The following EDARADD variants were observed in gnomAD, a reference collection of about 807,000 sequenced individuals.
EDARADD encodes the protein EDAR associated via death domain, also known as ectodysplasin-A receptor-associated adapter protein.
In EDARADD, 20 loss-of-function variants were observed where a neutral mutation model predicts 25.6. The observed-to-expected ratio is 0.78, with a 90% CI of 0.55 to 1.14. The LOEUF (loss-of-function observed/expected upper bound fraction) is 1.14. EDARADD is among the 50% of genes most tolerant of loss of function. EDARADD has a pLI of 0.00. For synonymous variants in EDARADD, 86 were observed against 94.4 expected (o/e 0.91, Z 0.52); for missense variants, 225 against 270.1 (o/e 0.83, Z 1.17).
intron 3 of EDARADD, among the ~76,000 whole-genome samples, chr1:236,420,428 C>G (rs1054353450): frequency 6.6e-6 from 1 of 152,160 alleles, no homozygotes; most frequent in Non-Finnish European, 1.5e-5. Context: ...TCTGATGGAA[C>G]AAAATCAGTT....
chr1:236,370,402 CA>C (rs1667161157), intron 3 of EDARADD, among the ~76,000 whole-genome samples: 2 of 152,030 alleles, frequency 1.3e-5, no homozygotes, highest in Non-Finnish European at 2.9e-5. Context: ...GCCTGGGTGA[CA>C]AAGCAAAACT....
chr1:236,483,856 T>C lies in EDARADD; in HGVS notation c.*1207T>C. On this transcript the variant is annotated 3_prime_UTR_variant, in exon 6 of 6. Transcript: ENST00000334232. Reference sequence around the variant, plus strand: ...GGCCTGGAGCTGCTGAAGACTGCGATTGGGAAAGCTGGCTACACTGATAAG... The same window carrying C: ...GGCCTGGAGCTGCTGAAGACTGCGACTGGGAAAGCTGGCTACACTGATAAG... The C allele has an allele frequency of 1.4e-6, 2 of 1,408,344 alleles. No individual in the cohort carries two copies. Among genetic ancestry groups the C allele is most frequent in the South Asian group, 1.2e-5 (1 of 86,786 alleles). 87.2% of individuals were successfully genotyped at this position (1,408,344 alleles called of 1,614,324 possible). A position where few individuals can be genotyped will look rare whatever the true frequency, so the allele number is the denominator to read the frequency against.
At chr1:236,359,391 G>A (rs780380998) in intron 3 of EDARADD, among the ~76,000 whole-genome samples, 5 of 152,202 alleles carry the variant, frequency 3.3e-5, no homozygotes, top group African/African-American at 4.8e-5. Context: ...GGGAGTTTGA[G>A]CTCTTTTGGC....
chr1:236,400,209 C>T (rs1426076696), intron 1 of EDARADD, among the ~76,000 whole-genome samples: 1 of 152,096 alleles, frequency 6.6e-6, no homozygotes, highest in Admixed American at 6.6e-5. Flanking sequence ...TGTGAGTTTC[C>T]TTCTCTCTAC....
chr1:236,462,535 C>T (rs1305100348), intron 4 of EDARADD, among the ~76,000 whole-genome samples: 1 of 152,112 alleles, frequency 6.6e-6, no homozygotes, highest in Non-Finnish European at 1.5e-5. Context: ...GCACATTCAG[C>T]TCGGAGCTGA....
intron 3 of EDARADD, among the ~76,000 whole-genome samples, chr1:236,353,982 G>A (rs140078417): frequency 1.6e-3 from 250 of 152,196 alleles, no homozygotes; most frequent in African/African-American, 5.8e-3. Flanking sequence ...TTTAAAGCTC[G>A]TTAGTTCTCT....
At chr1:236,447,196 C>CTTTT (rs1399503599) in intron 4 of EDARADD, among the ~76,000 whole-genome samples, 9 of 59,916 alleles carry the variant, frequency 1.5e-4, no homozygotes, top group African/African-American at 5.9e-4. Context: ...TTCTTTCTTT[C>CTTTT]TTTCTTTCTT....
intron 4 of EDARADD, among the ~76,000 whole-genome samples, chr1:236,430,113 A>C (rs2103017577): frequency 6.6e-6 from 1 of 152,338 alleles, no homozygotes; most frequent in African/African-American, 2.4e-5. Context: ...TAAAACACAT[A>C]ACTGTCTTGA....
rs72215388 is a variant in EDARADD at position 236,480,096 on chromosome 1, C to CATATATATATATAT, written c.266-2144_266-2131dup. On this transcript the variant is annotated intron_variant, in intron 5 of 5. Coordinates refer to ENST00000334232, the MANE Select transcript of EDARADD (RefSeq NM_145861.4). ...ATCTCAGTGTGCCTTTTAAGTATGCCATATATATATATATATATATATATA... is the reference window on the plus strand; with the variant it reads ...ATCTCAGTGTGCCTTTTAAGTATGCCATATATATATATATATATATATATATATATATATATATA... 3.5e-3 allele frequency among the ~76,000 whole-genome samples: 271 copies of CATATATATATATAT among 77,748 alleles called. 12 individuals are homozygous for CATATATATATATAT. Among genetic ancestry groups the CATATATATATATAT allele is most frequent in the Non-Finnish European group, 3.9e-3 (168 of 43,366 alleles). 51.0% of individuals were successfully genotyped at this position (77,748 alleles called of 152,430 possible).
intron 3 of EDARADD, among the ~76,000 whole-genome samples, chr1:236,367,837 T>C (rs1667129037): frequency 6.6e-6 from 1 of 152,128 alleles, no homozygotes; most frequent in African/African-American, 2.4e-5. Flanking sequence ...GATTGGGCAT[T>C]GTGGCTCATG....
At chr1:236,422,820 A>G (rs1657815932) in intron 3 of EDARADD, among the ~76,000 whole-genome samples, 1 of 152,138 alleles carries the variant, frequency 6.6e-6, no homozygotes, top group African/African-American at 2.4e-5. Context: ...GTTTAGCTCC[A>G]TCCTGTATCA....
chr1:236,445,245 T>TTTTTTTTTTTTTTTTTTTG (rs1658502774), intron 4 of EDARADD, among the ~76,000 whole-genome samples: 1 of 139,544 alleles, frequency 7.2e-6, no homozygotes, highest in African/African-American at 2.6e-5. Flanking sequence ...TTTTTTTTTT[T>TTTTTTTTTTTTTTTTTTTG]GAGACAGAGT....
At chr1:236,376,957 A>G (rs1029001559) in intron 3 of EDARADD, among the ~76,000 whole-genome samples, 4 of 151,972 alleles carry the variant, frequency 2.6e-5, no homozygotes, top group Admixed American at 6.6e-5. Flanking sequence ...TGTCCAGTCT[A>G]CTAATGAGTC....
At chr1:236,408,441 T>G (rs1667775706) in intron 1 of EDARADD, among the ~76,000 whole-genome samples, 1 of 152,168 alleles carries the variant, frequency 6.6e-6, no homozygotes, top group South Asian at 2.1e-4. Context: ...TGACCTCAGG[T>G]GATCTGCCCG....
intron 3 of EDARADD, among the ~76,000 whole-genome samples, chr1:236,363,725 C>A (rs988424762): frequency 3.3e-5 from 5 of 152,122 alleles, no homozygotes; most frequent in African/African-American, 1.2e-4. Context: ...AGTAGATCCA[C>A]TTTAAAAAGG....
chr1:236,363,030 T>TATATATATATATATATATATATATAA (rs796610771), intron 3 of EDARADD, among the ~76,000 whole-genome samples: 7 of 101,948 alleles, frequency 6.9e-5, no homozygotes, highest in South Asian at 4.1e-4. Flanking sequence ...TATATATATA[T>TATATATATATATATATATATATATAA]ATAAAATTTG....
At chr1:236,447,830 CT>C (rs57616841) in intron 4 of EDARADD, among the ~76,000 whole-genome samples, 17,919 of 149,790 alleles carry the variant, frequency 0.12, 2,213 homozygotes, top group African/African-American at 0.31. Context: ...ACTTGGAGAA[CT>C]TTTTTTTTTC....
chr1:236,353,824 A>G (rs605998), intron 3 of EDARADD, among the ~76,000 whole-genome samples: 76,067 of 151,892 alleles, frequency 0.5, 19,766 homozygotes, highest in East Asian at 0.84. Context: ...TTTACCCAGA[A>G]CAGGCACCAG....
At chr1:236,351,793 G>A (rs997614451) in intron 3 of EDARADD, among the ~76,000 whole-genome samples, 1 of 152,034 alleles carries the variant, frequency 6.6e-6, no homozygotes, top group African/African-American at 2.4e-5. Context: ...TCAAGAAAAG[G>A]GAATGTATGT....
Sources: gnomAD v4.1 joint callset for allele counts (sites outside exome capture counted in the v4.1 genomes callset) on GRCh38, gnomAD v4.1.1 for gene constraint, MANE v1.5 for transcripts, NCBI Gene and HGNC (gene_info 2026-07-23, HGNC 2026-07-21) for gene names.